The following FRMPD4 variants were observed in gnomAD, a reference collection of about 807,000 sequenced individuals.
FRMPD4 encodes the protein FERM and PDZ domain-containing protein 4.
In FRMPD4, 22 loss-of-function variants were observed where a neutral mutation model predicts 94.1. The ratio of observed to expected loss-of-function variants is 0.23; its 90% CI spans 0.17 to 0.33. The LOEUF is 0.33. Ranked by LOEUF, FRMPD4 falls within the 10% of genes least tolerant of loss-of-function variation. The pLI is 1.00. For synonymous variants in FRMPD4, 631 were observed against 548.6 expected, an observed-to-expected ratio of 1.15 and a Z score of -2.10; for missense variants, 1,111 against 1,339.9, an observed-to-expected ratio of 0.83 and a Z score of 2.67.
chrX:12,193,355 C>T (rs2056513071), intron 1 of FRMPD4, among the ~76,000 whole-genome samples: 1 of 110,738 alleles, frequency 9.0e-6, no homozygotes, highest in African/African-American at 3.3e-5. Context: ...CTCATTCCTC[C>T]AAAATATTAT....
intron 1 of FRMPD4, among the ~76,000 whole-genome samples, chrX:12,171,392 C>T (rs1056284676): frequency 8.9e-6 from 1 of 112,073 alleles, no homozygotes; most frequent in African/African-American, 3.2e-5. Flanking sequence ...CAAAATGAGG[C>T]ATAAAGCTTT....
At chrX:12,420,550 TG>T (rs1440745570) in intron 1 of FRMPD4, among the ~76,000 whole-genome samples, 1 of 112,249 alleles carries the variant, frequency 8.9e-6, no homozygotes, top group East Asian at 2.8e-4. Context: ...CATGCTGCCA[TG>T]GGCTCTCCCC....
chrX:12,122,063 A>T (rs1349319394), intron 3 of FRMPD4, among the ~76,000 whole-genome samples: 1 of 112,006 alleles, frequency 8.9e-6, no homozygotes, highest in Non-Finnish European at 1.9e-5. Context: ...TTTATATATA[A>T]GGAAGCTAAT....
At chrX:12,577,914 G>C (rs2058827406) in intron 2 of FRMPD4, among the ~76,000 whole-genome samples, 1 of 112,596 alleles carries the variant, frequency 8.9e-6, no homozygotes, top group South Asian at 3.7e-4. Context: ...TGGCTTAAAA[G>C]ATAGACATTT....
chrX:12,206,445 C>T (rs893425790), intron 1 of FRMPD4, among the ~76,000 whole-genome samples: 10 of 111,852 alleles, frequency 8.9e-5, no homozygotes. Context: ...CTAAAGATGA[C>T]ACAGACCCAT....
At chrX:12,471,674 C>T (rs1054185564) in intron 1 of FRMPD4, among the ~76,000 whole-genome samples, 13 of 111,711 alleles carry the variant, frequency 1.2e-4, no homozygotes, top group African/African-American at 4.2e-4. Context: ...GGAGATTTGA[C>T]GACAATGAGT....
At chrX:12,299,284 G>A (rs2147888105) in intron 1 of FRMPD4, among the ~76,000 whole-genome samples, 1 of 109,461 alleles carries the variant, frequency 9.1e-6, no homozygotes, top group East Asian at 2.8e-4. Flanking sequence ...GAAGTAGGAG[G>A]AGGAGGTAAA....
chrX:12,469,352 C>T (rs998480588), intron 1 of FRMPD4, among the ~76,000 whole-genome samples: 4 of 111,162 alleles, frequency 3.6e-5, no homozygotes, highest in African/African-American at 1.3e-4. Context: ...CAGGTTCAAG[C>T]GATTCTCCTG....
chrX:12,321,400 A>G (rs111652168), intron 1 of FRMPD4, among the ~76,000 whole-genome samples: 15 of 112,083 alleles, frequency 1.3e-4, no homozygotes, highest in African/African-American at 4.9e-4. Context: ...TATGCATTCA[A>G]TTACCCACAC....
chrX:12,450,078 G>T (rs5934001), intron 1 of FRMPD4, among the ~76,000 whole-genome samples: 13,196 of 109,681 alleles, frequency 0.12, 656 homozygotes, highest in African/African-American at 0.16. Flanking sequence ...TAAATCCATT[G>T]TGCTAATATT....
chrX:12,697,829 T>C (rs185969339), intron 9 of FRMPD4, among the ~76,000 whole-genome samples: 3 of 111,860 alleles, frequency 2.7e-5, no homozygotes, highest in Non-Finnish European at 3.8e-5. Flanking sequence ...CTTCAAGGCA[T>C]AGCCAGAGGG....
intron 1 of FRMPD4, among the ~76,000 whole-genome samples, chrX:12,495,947 G>A (rs1044961723): frequency 4.5e-5 from 5 of 111,043 alleles, no homozygotes; most frequent in Non-Finnish European, 9.4e-5. Flanking sequence ...CCACTGATTT[G>A]GGTGATGCCT....
At chrX:12,374,980 TG>T (rs1426834415) in intron 1 of FRMPD4, 1 of 112,555 alleles carries the variant, frequency 8.9e-6, no homozygotes, top group Non-Finnish European at 1.9e-5. Context: ...TGTCTGGCTC[TG>T]GTTTGTGATA....
At chrX:11,868,728 G>A (rs2053737813) in intron 2 of FRMPD4, among the ~76,000 whole-genome samples, 1 of 112,005 alleles carries the variant, frequency 8.9e-6, no homozygotes, top group South Asian at 3.7e-4. Flanking sequence ...GGGTCTGGCC[G>A]GTCTCTGACA....
At chrX:12,632,366 A>G (rs1290209255) in intron 4 of FRMPD4, among the ~76,000 whole-genome samples, 1 of 111,765 alleles carries the variant, frequency 8.9e-6, no homozygotes. Context: ...CTGTCCTTCA[A>G]TGGAAGGACA....
intron 1 of FRMPD4, among the ~76,000 whole-genome samples, chrX:12,479,444 ATG>A (rs2057651123): frequency 3.9e-5 from 2 of 51,168 alleles, no homozygotes; most frequent in African/African-American, 6.4e-5. Flanking sequence ...ACACACATAT[ATG>A]TATATATATG....
chrX:12,067,433 T>G (rs767355915), intron 3 of FRMPD4, among the ~76,000 whole-genome samples: 159 of 110,455 alleles, frequency 1.4e-3, no homozygotes, highest in Middle Eastern at 4.6e-3. Context: ...TTTTGTTTTT[T>G]TTTGAGAGGA....
intron 5 of FRMPD4, among the ~76,000 whole-genome samples, chrX:12,679,191 GGC>G (rs200055026): frequency 0.027 from 3,034 of 112,409 alleles, 55 homozygotes; most frequent in African/African-American, 0.058. Flanking sequence ...TCATGGAGCA[GGC>G]CACAAGTGCT....
intron 1 of FRMPD4, among the ~76,000 whole-genome samples, chrX:12,175,265 A>C (rs190490506): frequency 8.5e-4 from 95 of 112,152 alleles, no homozygotes; most frequent in Non-Finnish European, 1.3e-3. Context: ...GACATCAATA[A>C]ATAAAAATCT....
Sources: allele counts gnomAD v4.1 joint callset (sites outside exome capture counted in the v4.1 genomes callset), GRCh38; gene constraint gnomAD v4.1.1; transcripts MANE v1.5; gene names NCBI Gene and HGNC (gene_info 2026-07-23, HGNC 2026-07-21).